The following CAVIN2 variants were observed in gnomAD, a reference collection of about 807,000 sequenced individuals.
CAVIN2 encodes caveolae associated protein 2.
CAVIN2 carries 13 observed loss-of-function variants against 11.7 expected under a neutral mutation model. The observed-to-expected ratio is 1.11, with a 90% CI of 0.72 to 1.77. The LOEUF is 1.77. CAVIN2 is among the 40% of genes most tolerant of loss of function. The pLI is 0.00. For missense variants in CAVIN2, 549 were observed against 542.9 expected (o/e 1.01, Z -0.11); for synonymous variants, 237 against 223.2 (o/e 1.06, Z -0.55).
chr2:191,837,138 T>C (rs559501263), intron 1 of CAVIN2, among the ~76,000 whole-genome samples: 3 of 152,258 alleles, frequency 2.0e-5, no homozygotes, highest in Non-Finnish European at 2.9e-5. Flanking sequence ...GAAGATCAAG[T>C]TGGCAGATAA....
At position 191,836,000 on chromosome 2, in the gene CAVIN2, G is replaced by A. The variant is rs1178888234; in HGVS notation, c.1201C>T (p.Leu401=). Residue 401 remains leucine (L), a synonymous_variant, in exon 2 of 2, where the codon CTA becomes TTA. Transcript: ENST00000304141. ...GAGCGCTCCGCCTCCTCGGATGTTAGCGCGTAGCTACCCTCATAGCGTACC... is the reference window on the plus strand; with the variant it reads ...GAGCGCTCCGCCTCCTCGGATGTTAACGCGTAGCTACCCTCATAGCGTACC... ...QKVRYEGSYA[L]TSEEAERSDG... The A allele has an allele frequency of 6.2e-7, 1 of 1,614,070 alleles. No individual in the cohort carries two copies. Among genetic ancestry groups the A allele is most frequent in the African/African-American group, 1.3e-5 (1 of 74,938 alleles).
chr2:191,844,023 G>A (rs1012807984), intron 1 of CAVIN2, among the ~76,000 whole-genome samples: 3 of 152,198 alleles, frequency 2.0e-5, no homozygotes, highest in South Asian at 2.1e-4. Context: ...CTGTAGATTC[G>A]GGATAAATGA....
chr2:191,836,073 A>C lies in CAVIN2; in HGVS notation c.1128T>G (p.Ile376Met). 6.2e-7 allele frequency: 1 copy of C among 1,614,090 alleles called. No homozygotes were observed. Among genetic ancestry groups the C allele is most frequent in the East Asian group, 2.2e-5 (1 of 44,860 alleles). ...SGMDSNIDLT[I>M]VEDEEEESVA... is the part of the protein sequence containing the mutation. ...CTGACTCCTCCTCTTCATCTTCCAC[A>C]ATAGTCAAGTCGATGTTGCTGTCCA... Residue 376 changes from isoleucine (I) to methionine (M), a missense_variant, in exon 2 of 2, where the codon ATT becomes ATG. Ile to Met is a conservative substitution (Grantham distance 10, BLOSUM62 1). Transcript: ENST00000304141.
chr2:191,846,413 C>T (rs1353237197), intron 1 of CAVIN2, 30 bp downstream of exon 1: 2 of 1,579,694 alleles, frequency 1.3e-6, no homozygotes, highest in Non-Finnish European at 8.6e-7. Context: ...AGTTCCAGCC[C>T]GCCTGTAAGG....
In CAVIN2 at chr2:191,835,855, C is replaced by T. The variant is rs922657661; in HGVS notation, c.*68G>A. ...GTGGGTGAGTCGTGCTGGAGATGTG[C>T]AAGAGTTTGTTCTTCAGCCCTGGCT... On this transcript the variant is annotated 3_prime_UTR_variant, in exon 2 of 2. Transcript: ENST00000304141. The T allele has an allele frequency of 6.1e-6, 9 of 1,480,140 alleles. No individual in the cohort carries two copies. The highest frequency in any genetic ancestry group is 5.7e-5 in the Admixed American group (3 of 52,778). 91.7% of individuals were successfully genotyped at this position (1,480,140 alleles called of 1,614,324 possible). A position where few individuals can be genotyped will look rare whatever the true frequency, so the allele number is the denominator to read the frequency against.
intron 1 of CAVIN2, among the ~76,000 whole-genome samples, chr2:191,838,435 G>A (rs1426440107): frequency 6.6e-6 from 1 of 152,132 alleles, no homozygotes; most frequent in African/African-American, 2.4e-5. Context: ...GAAACAAAGG[G>A]TAATGTCTTG....
intron 1 of CAVIN2, among the ~76,000 whole-genome samples, chr2:191,837,589 C>T (rs904374847): frequency 1.6e-4 from 24 of 152,108 alleles, no homozygotes; most frequent in African/African-American, 5.1e-4. Flanking sequence ...CCTCCAGCTG[C>T]CGGGCACACA....
chr2:191,843,692 G>A (rs1398556735), intron 1 of CAVIN2, among the ~76,000 whole-genome samples: 1 of 152,154 alleles, frequency 6.6e-6, no homozygotes, highest in East Asian at 1.9e-4. Context: ...TCCTGGGCAA[G>A]GTGAGGTCAG....
At chr2:191,838,613 C>T (rs182461332) in intron 1 of CAVIN2, among the ~76,000 whole-genome samples, 1 of 152,282 alleles carries the variant, frequency 6.6e-6, no homozygotes, top group African/African-American at 2.4e-5. Flanking sequence ...ATAAAAGGAG[C>T]ATGGGACTGC....
At chr2:191,845,826 C>T (rs1316101769) in intron 1 of CAVIN2, among the ~76,000 whole-genome samples, 2 of 152,122 alleles carry the variant, frequency 1.3e-5, no homozygotes, top group Non-Finnish European at 2.9e-5. Flanking sequence ...TGTGTTTGTA[C>T]TCTCTTTTTC....
At position 191,847,022 on chromosome 2, in the gene CAVIN2, G is replaced by A; in HGVS notation, c.-97C>T. The A allele has an allele frequency of 6.8e-7, 1 of 1,463,298 alleles. No homozygotes were observed. The allele number at this position is 1,463,298 out of a possible 1,614,324, so 90.6% of individuals were successfully genotyped here. On this transcript the variant is annotated 5_prime_UTR_variant, in exon 1 of 2. Transcript: ENST00000304141. ...GGGTGTAGGATGAGGCCCGCTGGTT[G>A]GAGCTCAGGGCACCAGTCTCCAGGA...
At chr2:191,838,364 A>G (rs1389530682) in intron 1 of CAVIN2, among the ~76,000 whole-genome samples, 1 of 152,236 alleles carries the variant, frequency 6.6e-6, no homozygotes, top group Non-Finnish European at 1.5e-5. Context: ...ATTCCTTGAA[A>G]AATACAACCC....
In CAVIN2 at chr2:191,836,024, C is replaced by T; in HGVS notation, c.1177G>A (p.Val393Ile). The T allele has an allele frequency of 6.2e-7, 1 of 1,614,216 alleles. No homozygotes were observed. Among genetic ancestry groups the T allele is most frequent in the Non-Finnish European group, 8.5e-7 (1 of 1,180,042 alleles). ...AGCGCGTAGCTACCCTCATAGCGTA[C>T]CTTCTGTGCCTGTTCCAGGGCCACT... ...ESVALEQAQK[V>I]RYEGSYALTS... Residue 393 changes from valine (V) to isoleucine (I), a missense_variant, in exon 2 of 2, where the codon GTA (valine) becomes ATA (isoleucine). By Grantham distance (29) the Val-to-Ile change is conservative. Coordinates refer to ENST00000304141, the MANE Select transcript of CAVIN2 (RefSeq NM_004657.6).
chr2:191,835,017 T>C lies in CAVIN2; in HGVS notation c.*906A>G, dbSNP rs1186608972. On this transcript the variant is annotated 3_prime_UTR_variant, in exon 2 of 2. Coordinates refer to ENST00000304141, the MANE Select transcript of CAVIN2 (RefSeq NM_004657.6). The stretch of plus-strand genomic sequence containing the variant: ...CTTTTGAACTTCCTTAAAGAAATAT[T>C]TGTAATGTCCTTTATTTATTAAGAA... 3 of 151,228 alleles carry C rather than the reference T, an allele frequency of 2.0e-5. No homozygotes were observed. Among genetic ancestry groups the C allele is most frequent in the African/African-American group, 7.3e-5 (3 of 40,888 alleles). The allele number at this position is 151,228 out of a possible 1,614,324, so 9.4% of individuals were successfully genotyped here. A position where few individuals can be genotyped will look rare whatever the true frequency, so the allele number is the denominator to read the frequency against.
intron 1 of CAVIN2, among the ~76,000 whole-genome samples, chr2:191,843,345 C>T (rs1466642693): frequency 3.9e-5 from 6 of 152,164 alleles, no homozygotes; most frequent in Non-Finnish European, 8.8e-5. Context: ...TTTCCTTTCT[C>T]GCTCTCTTAT....
Position 191,847,061 on chromosome 2 carries a change from A to G in CAVIN2, c.-136T>C. 2.6e-6 allele frequency: 3 copies of G among 1,162,420 alleles called. No individual in the cohort carries two copies. Among genetic ancestry groups the G allele is most frequent in the Non-Finnish European group, 2.4e-6 (2 of 839,386 alleles). The allele number at this position is 1,162,420 out of a possible 1,614,324, so 72.0% of individuals were successfully genotyped here. On this transcript the variant is annotated 5_prime_UTR_variant, in exon 1 of 2. Coordinates refer to ENST00000304141, the MANE Select transcript of CAVIN2 (RefSeq NM_004657.6). ...CAGTCTCCAGGACTGGCAGAGGTTC[A>G]GACAGGCAACAACTGGCTACGCTGA...
chr2:191,842,254 T>C (rs1285778403), intron 1 of CAVIN2, among the ~76,000 whole-genome samples: 14 of 152,214 alleles, frequency 9.2e-5, no homozygotes, highest in Admixed American at 9.2e-4. Flanking sequence ...TTTCTACTTT[T>C]TTCACCCAGT....
intron 1 of CAVIN2, among the ~76,000 whole-genome samples, chr2:191,844,276 C>G (rs1298414665): frequency 1.3e-5 from 2 of 152,176 alleles, no homozygotes; most frequent in African/African-American, 4.8e-5. Context: ...TATCCATTGG[C>G]ATAATTACTA....
chr2:191,838,946 A>G lies in CAVIN2; in HGVS notation c.484-2229T>C, dbSNP rs571162855. Among the ~76,000 whole-genome samples the G allele has an allele frequency of 3.2e-4, 49 of 152,340 alleles. No homozygotes were observed. The South Asian group carries it at 4.8e-3, about 15-fold the overall frequency. ...CTGCTGGTGCCATTGGGAAATCAAG[A>G]GAACCTAAGTCCCAATGGGGACAAT... On this transcript the variant is annotated intron_variant, in intron 1 of 1. Transcript: ENST00000304141.
Sources: gnomAD v4.1 joint callset for allele counts (sites outside exome capture counted in the v4.1 genomes callset) on GRCh38, gnomAD v4.1.1 for gene constraint, MANE v1.5 for transcripts, NCBI Gene and HGNC (gene_info 2026-07-23, HGNC 2026-07-21) for gene names.